Variants in ZMYND12 observed in about 807,000 individuals in gnomAD.
The protein encoded by ZMYND12 is zinc finger MYND-type containing 12.
Under a neutral mutation model 41.7 loss-of-function variants are expected in ZMYND12, and 32 were observed. That is an observed-to-expected ratio of 0.77 (90% confidence interval 0.58 to 1.03). The LOEUF (loss-of-function observed/expected upper bound fraction) is 1.03. ZMYND12 is among the 50% of genes least tolerant of loss of function. The pLI, the probability that ZMYND12 is intolerant of heterozygous loss-of-function variation, is 0.00. For missense variants in ZMYND12, 424 were observed against 438.5 expected (o/e 0.97, Z 0.30); for synonymous variants, 148 against 164.8 (o/e 0.90, Z 0.78).
rs762751531 is a variant in ZMYND12, at chr1:42,448,649, G to A, written c.253-11C>T. 6.2e-7 allele frequency: 1 copy of A among 1,603,396 alleles called. No individual in the cohort carries two copies. The highest frequency in any genetic ancestry group is 1.1e-5 in the South Asian group (1 of 89,036). On this transcript the variant is annotated splice_polypyrimidine_tract_variant and intron_variant, in intron 2 of 7. Coordinates refer to ENST00000372565, the MANE Select transcript of ZMYND12 (RefSeq NM_032257.5). Reference sequence around the variant, plus strand: ...TTCAATCAAATACTTCTGTGGAAGAGAGAAACAGACTATCTGAGACAGTCT... The same window carrying A: ...TTCAATCAAATACTTCTGTGGAAGAAAGAAACAGACTATCTGAGACAGTCT...
chr1:42,451,848 T>C (rs888146177), intron 1 of ZMYND12, among the ~76,000 whole-genome samples: 6 of 152,154 alleles, frequency 3.9e-5, no homozygotes. Flanking sequence ...TGCCTGAACT[T>C]TTGTTCCACT....
chr1:42,435,403 G>A lies in ZMYND12; in HGVS notation c.718-18C>T. 1 of 1,582,792 alleles carries A rather than the reference G, an allele frequency of 6.3e-7. No individual in the cohort carries two copies. Among genetic ancestry groups the A allele is most frequent in the Non-Finnish European group, 8.7e-7 (1 of 1,151,798 alleles). On this transcript the variant is annotated intron_variant, in intron 5 of 7. Coordinates refer to ENST00000372565, the MANE Select transcript of ZMYND12 (RefSeq NM_032257.5). ...TCAGAGACCTGTTGGGAAAAGAGAT[G>A]GTAATACAACAAGCAGGCCAGACCT...
chr1:42,435,273 C>A lies in ZMYND12; in HGVS notation c.829+1G>T. On this transcript the variant is annotated splice_donor_variant, in intron 6 of 7. Transcript: ENST00000372565. LOFTEE classifies it high-confidence loss of function. ...TCCCTTCAGGGAAAACTGCCACTTA[C>A]CCAAGCCAGTGTCATTCTCAAATAG... 6.2e-7 allele frequency: 1 copy of A among 1,611,370 alleles called. No homozygotes were observed. Among genetic ancestry groups the A allele is most frequent in the African/African-American group, 1.3e-5 (1 of 74,980 alleles).
At chr1:42,453,740 G>A (rs1418303457) in intron 1 of ZMYND12, among the ~76,000 whole-genome samples, 1 of 152,120 alleles carries the variant, frequency 6.6e-6, no homozygotes, top group African/African-American at 2.4e-5. Context: ...CGGTTTACTG[G>A]CCATCTCTCT....
intron 1 of ZMYND12, among the ~76,000 whole-genome samples, chr1:42,452,623 A>C (rs1480412750): frequency 6.6e-6 from 1 of 152,104 alleles, no homozygotes; most frequent in Non-Finnish European, 1.5e-5. Flanking sequence ...GAATTGCTTG[A>C]ACCCGGGAGA....
At chr1:42,437,968 G>A (rs778188160) in intron 4 of ZMYND12, among the ~76,000 whole-genome samples, 18 of 151,336 alleles carry the variant, frequency 1.2e-4, no homozygotes, top group African/African-American at 1.7e-4. Context: ...GAGCCACTGC[G>A]CCCAGCTAAT....
chr1:42,440,063 C>T (rs1444395685), intron 3 of ZMYND12, 38 bp from the exon 4 acceptor site: 2 of 1,552,946 alleles, frequency 1.3e-6, no homozygotes, highest in Non-Finnish European at 1.7e-6. Flanking sequence ...AATTCATATC[C>T]AGGCCAAAGA....
At chr1:42,452,254 A>C (rs2148411069) in intron 1 of ZMYND12, among the ~76,000 whole-genome samples, 2 of 152,322 alleles carry the variant, frequency 1.3e-5, no homozygotes, top group Admixed American at 1.3e-4. Flanking sequence ...CCAGGAGAAG[A>C]AAACGAATGG....
intron 1 of ZMYND12, among the ~76,000 whole-genome samples, chr1:42,453,926 C>T (rs2148411770): frequency 6.6e-6 from 1 of 152,232 alleles, no homozygotes; most frequent in East Asian, 1.9e-4. Flanking sequence ...AAGACATAGA[C>T]ATCAGACAAG....
At chr1:42,452,002 A>G (rs1643088039) in intron 1 of ZMYND12, among the ~76,000 whole-genome samples, 1 of 152,194 alleles carries the variant, frequency 6.6e-6, no homozygotes, top group Non-Finnish European at 1.5e-5. Flanking sequence ...GCTTTCAATC[A>G]GGGCTCACAA....
intron 3 of ZMYND12, among the ~76,000 whole-genome samples, chr1:42,446,702 G>A (rs1643028055): frequency 6.6e-6 from 1 of 151,852 alleles, no homozygotes; most frequent in Non-Finnish European, 1.5e-5. Flanking sequence ...GATGTAATGT[G>A]TGTATACGTA....
rs1190478519 is a variant in ZMYND12 at position 42,430,849 on chromosome 1, A to G, written c.985T>C (p.Tyr329His). The change falls in exon 8 of 8, where the codon TAT (tyrosine) becomes CAT (histidine). Residue 329 changes from tyrosine (Y) to histidine (H), a missense_variant. Coordinates refer to ENST00000372565, the MANE Select transcript of ZMYND12 (RefSeq NM_032257.5). Reference protein sequence around the residue: ...LMMNSSKAQEYGMRALSLAKE... With the variant: ...LMMNSSKAQEHGMRALSLAKE... ...GCTAGACTGAGGGCCCTCATGCCAT[A>G]TTCCTGTGCCTGAAATAGAATTGCA... 6.2e-7 allele frequency: 1 copy of G among 1,614,186 alleles called. No individual in the cohort carries two copies. Among genetic ancestry groups the G allele is most frequent in the Non-Finnish European group, 8.5e-7 (1 of 1,180,014 alleles).
Position 42,437,284 on chromosome 1 carries a change from A to G in ZMYND12, c.595-741T>C, listed in dbSNP as rs1642917581. Among the ~76,000 whole-genome samples the G allele has an allele frequency of 2.6e-5, 4 of 152,196 alleles. No homozygotes were observed. The South Asian group carries it at 8.3e-4, about 31-fold the overall frequency. ...TTGCTGGGGCTGGAACAGGAATGGG[A>G]AATGACTGCGCATGGATACAAGGGA... On this transcript the variant is annotated intron_variant, in intron 4 of 7. Transcript: ENST00000372565.
intron 4 of ZMYND12, among the ~76,000 whole-genome samples, chr1:42,438,335 A>T (rs1642929723): frequency 1.3e-5 from 2 of 152,194 alleles, no homozygotes; most frequent in Non-Finnish European, 2.9e-5. Context: ...AAGCCCTACG[A>T]GTAAAACCAA....
chr1:42,448,499 G>A lies in ZMYND12; in HGVS notation c.392C>T (p.Pro131Leu). ...GGCCTCGGCCAACAGCAGGTAAGCAGGCACAAGCTCTACGGAGCTCAGGCC... is the reference window on the plus strand; with the variant it reads ...GGCCTCGGCCAACAGCAGGTAAGCAAGCACAAGCTCTACGGAGCTCAGGCC... ...LYGLSSVELV[P>L]AYLLLAEASL... The change falls in exon 3 of 8, where the codon CCT (proline) becomes CTT (leucine). Residue 131 changes from proline to leucine, a missense_variant. Transcript: ENST00000372565. The A allele has an allele frequency of 6.2e-7, 1 of 1,607,128 alleles. No individual in the cohort carries two copies. Among genetic ancestry groups the A allele is most frequent in the East Asian group, 2.2e-5 (1 of 44,460 alleles).
chr1:42,449,563 T>C (rs1200486362), intron 2 of ZMYND12, among the ~76,000 whole-genome samples: 4 of 152,122 alleles, frequency 2.6e-5, no homozygotes, highest in Admixed American at 2.6e-4. Context: ...GTGAAGACAC[T>C]GTAGGAAGGC....
intron 3 of ZMYND12, among the ~76,000 whole-genome samples, chr1:42,441,895 C>T (rs991707277): frequency 2.0e-5 from 3 of 152,224 alleles, no homozygotes; most frequent in South Asian, 2.1e-4. Context: ...GCTGGGATTA[C>T]AGGCGTGAGC....
In ZMYND12 at chr1:42,440,201, A is replaced by C. The variant is rs1021186576; in HGVS notation, c.425-176T>G. Among the ~76,000 whole-genome samples, 2 of 151,896 alleles carry C rather than the reference A, an allele frequency of 1.3e-5. 1 individual carries two copies. The highest frequency in any genetic ancestry group is 4.1e-4 in the South Asian group (2 of 4,824). On this transcript the variant is annotated intron_variant, in intron 3 of 7. Transcript: ENST00000372565. ...ATTTGGAAGAGTAAAAAAAAAAAAA[A>C]CAGAAACAATGTAAATGTCCATCAG...
chr1:42,442,525 C>T (rs1642981719), intron 3 of ZMYND12, among the ~76,000 whole-genome samples: 1 of 152,134 alleles, frequency 6.6e-6, no homozygotes. Flanking sequence ...ACCTGCTTGA[C>T]TCCTGGGGAA....
Sources: allele counts gnomAD v4.1 joint callset (sites outside exome capture counted in the v4.1 genomes callset), GRCh38; gene constraint gnomAD v4.1.1; transcripts MANE v1.5; gene names NCBI Gene and HGNC (gene_info 2026-07-23, HGNC 2026-07-21).